Variants in CD38 observed in about 807,000 individuals in gnomAD.
CD38 encodes CD38 molecule, also known as ADP-ribosyl cyclase/cyclic ADP-ribose hydrolase 1.
A neutral mutation model predicts 36.3 loss-of-function variants in CD38; 31 were observed. That is an observed-to-expected ratio of 0.85 (90% CI 0.64 to 1.15). The LOEUF (loss-of-function observed/expected upper bound fraction) is 1.15, where lower values mean the gene tolerates loss of function less well. Among genes scored for constraint, CD38 ranks in the 50% most tolerant of loss-of-function variants. The pLI is 0.00. For synonymous variants in CD38, 131 were observed against 135.2 expected (o/e 0.97, Z 0.22); for missense variants, 380 against 371.9 (o/e 1.02, Z -0.18).
chr4:15,840,317 G>A (rs1166193618), intron 6 of CD38, 135 bp from the exon 7 acceptor site: 5 of 730,858 alleles, frequency 6.8e-6, no homozygotes, highest in Non-Finnish European at 1.2e-5. Context: ...TGCTGACCCA[G>A]GAGCTCTTAG....
At chr4:15,832,508 G>A (rs1020740676) in intron 3 of CD38, among the ~76,000 whole-genome samples, 1 of 152,130 alleles carries the variant, frequency 6.6e-6, no homozygotes, top group African/African-American at 2.4e-5. Flanking sequence ...ACACACTCAT[G>A]GAGGTACCAC....
intron 3 of CD38, among the ~76,000 whole-genome samples, chr4:15,833,061 CAA>C (rs1216232206): frequency 6.6e-6 from 1 of 152,190 alleles, no homozygotes; most frequent in Non-Finnish European, 1.5e-5. Flanking sequence ...TTCCAAGGCC[CAA>C]GGACTCTTCA....
At chr4:15,831,628 G>T (rs1326745346) in intron 3 of CD38, among the ~76,000 whole-genome samples, 1 of 152,012 alleles carries the variant, frequency 6.6e-6, no homozygotes, top group East Asian at 1.9e-4. Flanking sequence ...GGCCTGTAAG[G>T]TTTCCACTGA....
At chr4:15,798,189 C>G (rs1185188101) in intron 1 of CD38, among the ~76,000 whole-genome samples, 2 of 152,158 alleles carry the variant, frequency 1.3e-5, no homozygotes, top group South Asian at 4.1e-4. Flanking sequence ...AGCCACAGAG[C>G]CTGGCCACTT....
intron 2 of CD38, among the ~76,000 whole-genome samples, chr4:15,818,536 G>A (rs996177339): frequency 1.3e-5 from 2 of 152,190 alleles, no homozygotes; most frequent in Admixed American, 1.3e-4. Flanking sequence ...GTGAGTCCCT[G>A]ACCCCTGTGT....
chr4:15,796,929 A>G (rs1415052335), intron 1 of CD38, among the ~76,000 whole-genome samples: 1 of 152,192 alleles, frequency 6.6e-6, no homozygotes, highest in Non-Finnish European at 1.5e-5. Context: ...ACAATGCTGC[A>G]ATGAAATCCT....
chr4:15,814,765 A>G (rs1000515784), intron 1 of CD38, among the ~76,000 whole-genome samples: 1 of 148,548 alleles, frequency 6.7e-6, no homozygotes, highest in African/African-American at 2.5e-5. Context: ...ATGTGGTATT[A>G]TTTCTGAGGT....
Position 15,851,945 on chromosome 4 carries a change from T to C in CD38, c.*3343T>C, listed in dbSNP as rs1419671015. 6.6e-6 allele frequency: 1 copy of C among 152,224 alleles called. No homozygotes were observed. Among genetic ancestry groups the C allele is most frequent in the Non-Finnish European group, 1.5e-5 (1 of 68,036 alleles). 9.4% of individuals were successfully genotyped at this position (152,224 alleles called of 1,614,324 possible). ...CAATTTTAACCTGATGGTAAATGTT[T>C]GTGTATCTAAACATATCTAAACATA... On this transcript the variant is annotated 3_prime_UTR_variant, in exon 8 of 8. Transcript: ENST00000226279.
intron 1 of CD38, among the ~76,000 whole-genome samples, chr4:15,784,169 A>G (rs1042024839): frequency 1.3e-5 from 2 of 152,232 alleles, no homozygotes; most frequent in African/African-American, 4.8e-5. Flanking sequence ...TAGATTCTGC[A>G]GGGATGTAAG....
At chr4:15,848,244 G>A (rs987042950) in intron 7 of CD38, among the ~76,000 whole-genome samples, 1 of 152,138 alleles carries the variant, frequency 6.6e-6, no homozygotes. Context: ...CCCAGACTCT[G>A]CCTCTGACCC....
At chr4:15,848,283 G>A (rs919043311) in intron 7 of CD38, among the ~76,000 whole-genome samples, 9 of 152,126 alleles carry the variant, frequency 5.9e-5, no homozygotes, top group African/African-American at 2.2e-4. Context: ...AGGAAGCTTC[G>A]GAAGAGAGGA....
In CD38 at chr4:15,778,760, G is replaced by A; in HGVS notation, c.233+113G>A. The A allele has an allele frequency of 2.7e-6, 2 of 748,512 alleles. No individual in the cohort carries two copies. Among genetic ancestry groups the A allele is most frequent in the South Asian group, 3.4e-5 (2 of 58,302 alleles). 46.4% of individuals were successfully genotyped at this position (748,512 alleles called of 1,614,324 possible). On this transcript the variant is annotated intron_variant, in intron 1 of 7. Transcript: ENST00000226279. This position sits in a 1 kb window ranked among gnomAD's most constrained non-coding sequence, Gnocchi z 4.9. Reference sequence around the variant, plus strand: ...GGGCATCTTCCGTGGCGGGTCAGCCGAGAGCCCGCCGGGTGGTGCTGAGTA... The same window carrying A: ...GGGCATCTTCCGTGGCGGGTCAGCCAAGAGCCCGCCGGGTGGTGCTGAGTA...
chr4:15,783,428 G>A (rs1305592182), intron 1 of CD38, among the ~76,000 whole-genome samples: 1 of 152,230 alleles, frequency 6.6e-6, no homozygotes, highest in Non-Finnish European at 1.5e-5. Context: ...GCAGACTGCT[G>A]GTGGTCTAGG....
At chr4:15,823,978 A>G (rs552708567) in intron 2 of CD38, among the ~76,000 whole-genome samples, 3 of 152,358 alleles carry the variant, frequency 2.0e-5, no homozygotes, top group African/African-American at 7.2e-5. Context: ...AGCCATAAAA[A>G]GGAACAAGAT....
chr4:15,782,697 C>T (rs1722725523), intron 1 of CD38, among the ~76,000 whole-genome samples: 1 of 152,216 alleles, frequency 6.6e-6, no homozygotes, highest in Non-Finnish European at 1.5e-5. Context: ...CTGTCTTGAG[C>T]ATAGAAACTG....
chr4:15,838,243 T>C (rs1221609505), intron 5 of CD38, 78 bp downstream of exon 5: 1 of 1,160,200 alleles, frequency 8.6e-7, no homozygotes, highest in African/African-American at 1.5e-5. Context: ...CTAGAAAGAA[T>C]ATGCTTTTCA....
intron 7 of CD38, among the ~76,000 whole-genome samples, chr4:15,842,104 G>A (rs1724226261): frequency 8.1e-6 from 1 of 123,160 alleles, no homozygotes; most frequent in Non-Finnish European, 1.7e-5. Flanking sequence ...ACCTCTGGGG[G>A]CAGGGCACAG....
At chr4:15,794,388 G>T (rs916028472) in intron 1 of CD38, among the ~76,000 whole-genome samples, 2 of 152,220 alleles carry the variant, frequency 1.3e-5, no homozygotes, top group African/African-American at 4.8e-5. Context: ...TTGACCAGAA[G>T]ACTGGTTCAT....
chr4:15,830,045 A>C (rs563281289), intron 3 of CD38, among the ~76,000 whole-genome samples: 3 of 152,326 alleles, frequency 2.0e-5, no homozygotes, highest in Admixed American at 2.0e-4. Flanking sequence ...CAGTGCTGCA[A>C]TAAACATGGG....
Sources: gnomAD v4.1 joint callset for allele counts (sites outside exome capture counted in the v4.1 genomes callset) on GRCh38, gnomAD v4.1.1 for gene constraint, Gnocchi (gnomAD v3.1) non-coding constraint, MANE v1.5 for transcripts, NCBI Gene and HGNC (gene_info 2026-07-23, HGNC 2026-07-21) for gene names.